The following STIM1 variants were observed in gnomAD, a reference collection of about 807,000 sequenced individuals.
STIM1 encodes the protein stromal interaction molecule 1.
A neutral mutation model predicts 74.7 loss-of-function variants in STIM1; 25 were observed. The observed-to-expected ratio is 0.33, with a 90% CI of 0.24 to 0.47. The LOEUF (loss-of-function observed/expected upper bound fraction) is 0.47. STIM1 is among the 20% of genes least tolerant of loss of function. The pLI is 1.00. For synonymous variants in STIM1, 328 were observed against 348.8 expected, an observed-to-expected ratio of 0.94 and a Z score of 0.66; for missense variants, 728 against 920.8, an observed-to-expected ratio of 0.79 and a Z score of 2.71.
intron 2 of STIM1, among the ~76,000 whole-genome samples, chr11:4,014,859 A>C (rs929129159): frequency 6.6e-6 from 1 of 152,178 alleles, no homozygotes; most frequent in Non-Finnish European, 1.5e-5. Flanking sequence ...TTTATCAGAG[A>C]CTAGGTTTGC....
chr11:3,884,011 T>C (rs1268832336), intron 1 of STIM1, among the ~76,000 whole-genome samples: 1 of 152,090 alleles, frequency 6.6e-6, no homozygotes, highest in Non-Finnish European at 1.5e-5. Flanking sequence ...ATAAGTAATA[T>C]AATGCTTGGT....
intron 1 of STIM1, among the ~76,000 whole-genome samples, chr11:3,910,297 A>G (rs1362601281): frequency 6.6e-6 from 1 of 152,200 alleles, no homozygotes. Flanking sequence ...AGAAAAGAGT[A>G]TGGCAGTTTA....
intron 9 of STIM1, 136 bp from the exon 10 acceptor site, chr11:4,083,127 C>A (rs1164974372): frequency 7.7e-6 from 9 of 1,175,736 alleles, no homozygotes; most frequent in African/African-American, 1.5e-5. Flanking sequence ...TTATCTCCTG[C>A]CTTGCTCTTA....
chr11:4,037,342 C>T (rs1488502312), intron 3 of STIM1, among the ~76,000 whole-genome samples: 1 of 152,340 alleles, frequency 6.6e-6, no homozygotes, highest in South Asian at 2.1e-4. Context: ...TGAGCCACTG[C>T]ATCCAGCCTG....
In STIM1 at chr11:3,967,560, C is replaced by T; in HGVS notation, c.148C>T (p.Arg50Ter). 2.5e-6 allele frequency: 4 copies of T among 1,614,034 alleles called. No individual in the cohort carries two copies. The highest frequency in any genetic ancestry group is 3.4e-6 in the Non-Finnish European group (4 of 1,180,000). ...SEESTAAEFC[R>*]IDKPLCHSED... ...TTGCTTTTCTTACACAGAGTTTTGC[C>T]GAATTGACAAGCCCCTGTGTCACAG... Residue 50 changes from arginine (R) to a stop codon, truncating the protein, a stop_gained, in exon 2 of 13, where the codon CGA becomes TGA. Coordinates refer to ENST00000526596, the MANE Select transcript of STIM1 (RefSeq NM_001382567.1). LOFTEE classifies it high-confidence loss of function.
chr11:4,034,117 T>C (rs2132943993), intron 3 of STIM1, among the ~76,000 whole-genome samples: 1 of 151,826 alleles, frequency 6.6e-6, no homozygotes, highest in African/African-American at 2.4e-5. Context: ...TAATCCCAGC[T>C]ACTTGGGAGG....
intron 1 of STIM1, among the ~76,000 whole-genome samples, chr11:3,939,956 A>G (rs1011904539): frequency 1.3e-5 from 2 of 152,208 alleles, no homozygotes; most frequent in Non-Finnish European, 2.9e-5. Flanking sequence ...AGGAGTGGGA[A>G]GGGAAAAAAC....
intron 1 of STIM1, among the ~76,000 whole-genome samples, chr11:3,881,198 A>G (rs1157197456): frequency 1.3e-5 from 2 of 152,038 alleles, no homozygotes; most frequent in East Asian, 3.9e-4. Context: ...AAACTATTTC[A>G]TCAACCCTAA....
intron 2 of STIM1, among the ~76,000 whole-genome samples, chr11:3,974,806 G>A (rs1461310102): frequency 5.3e-5 from 8 of 151,998 alleles, no homozygotes; most frequent in African/African-American, 1.9e-4. Flanking sequence ...ACTTCTGGTG[G>A]GGTTTGCTCC....
At position 3,985,455 on chromosome 11, in the gene STIM1, C is replaced by T. The variant is rs532838173; in HGVS notation, c.270+17773C>T. 5.9e-5 allele frequency among the ~76,000 whole-genome samples: 9 copies of T among 151,986 alleles called. No homozygotes were observed. The East Asian group carries it at 1.4e-3, about 23-fold the overall frequency. ...GTGGAGGGAGAAGAGGAACACTGAG[C>T]CAAGGAAGTAGGGGCTGAAAGAAAG... On this transcript the variant is annotated intron_variant, in intron 2 of 12. Coordinates refer to ENST00000526596, the MANE Select transcript of STIM1 (RefSeq NM_001382567.1).
At chr11:3,948,152 C>T (rs1412222276) in intron 1 of STIM1, among the ~76,000 whole-genome samples, 2 of 152,024 alleles carry the variant, frequency 1.3e-5, no homozygotes, top group East Asian at 1.9e-4. Context: ...TTATAGGGCG[C>T]GGAGTAGTTA....
At chr11:4,055,468 C>A in intron 3 of STIM1, 58 bp from the exon 4 acceptor site, 3 of 1,328,486 alleles carry the variant, frequency 2.3e-6, no homozygotes, top group Non-Finnish European at 3.2e-6. Flanking sequence ...AGCATGACAA[C>A]AAATGAAAGC....
At chr11:3,945,894 G>C (rs1484816679) in intron 1 of STIM1, among the ~76,000 whole-genome samples, 2 of 152,190 alleles carry the variant, frequency 1.3e-5, no homozygotes, top group African/African-American at 4.8e-5. Flanking sequence ...GAAAGGCAAA[G>C]ATGGAGCAGA....
chr11:4,059,226 G>A (rs1272842838), intron 4 of STIM1, 55 bp from the exon 5 acceptor site: 1 of 1,485,314 alleles, frequency 6.7e-7, no homozygotes, highest in Non-Finnish European at 9.4e-7. Context: ...ATCCTACCAG[G>A]ATCCTTCCTG....
At chr11:4,069,949 G>A in intron 5 of STIM1, 77 bp from the exon 6 acceptor site, 1 of 1,518,960 alleles carries the variant, frequency 6.6e-7, no homozygotes, top group Non-Finnish European at 9.1e-7. Context: ...GCTTCATAGA[G>A]GAGGGATGCA....
chr11:4,029,523 G>T (rs958552371), intron 3 of STIM1, among the ~76,000 whole-genome samples: 1 of 142,850 alleles, frequency 7.0e-6, no homozygotes, highest in Non-Finnish European at 1.5e-5. Flanking sequence ...TGTCTAAATG[G>T]TCCCAATCTG....
At chr11:3,873,637 G>A (rs1477656971) in intron 1 of STIM1, among the ~76,000 whole-genome samples, 1 of 152,028 alleles carries the variant, frequency 6.6e-6, no homozygotes, top group Non-Finnish European at 1.5e-5. Flanking sequence ...TAGCCACTGG[G>A]GAATGGATTG....
At chr11:4,064,010 C>A (rs1459957863) in intron 5 of STIM1, among the ~76,000 whole-genome samples, 1 of 152,126 alleles carries the variant, frequency 6.6e-6, no homozygotes. Flanking sequence ...TTTGGCAATT[C>A]AGTTCTGCCT....
Position 3,919,726 on chromosome 11 carries a change from C to T in STIM1, c.140-47826C>T, listed in dbSNP as rs546094089. Among the ~76,000 whole-genome samples, 12 of 152,260 alleles carry T rather than the reference C, an allele frequency of 7.9e-5. No individual in the cohort carries two copies. The South Asian group carries it at 2.5e-3, about 32-fold the overall frequency. On this transcript the variant is annotated intron_variant, in intron 1 of 12. Transcript: ENST00000526596. ...TGAGTGAGGATGAAAGCTGCCCTCA[C>T]GTACTATCCAGTTTACCAGGCAGCC...
Sources: gnomAD v4.1 joint callset for allele counts (sites outside exome capture counted in the v4.1 genomes callset) on GRCh38, gnomAD v4.1.1 for gene constraint, MANE v1.5 for transcripts, NCBI Gene and HGNC (gene_info 2026-07-23, HGNC 2026-07-21) for gene names.